Variants in TIAM1 observed in about 807,000 individuals in gnomAD.
TIAM1 encodes rho guanine nucleotide exchange factor TIAM1.
TIAM1 carries 65 observed loss-of-function variants against 163.5 expected under a neutral mutation model. That is an observed-to-expected ratio of 0.40 (90% CI 0.33 to 0.49). The LOEUF (loss-of-function observed/expected upper bound fraction) is 0.49, where lower values mean the gene tolerates loss of function less well. TIAM1 is among the 20% of genes least tolerant of loss of function. The pLI, the probability that TIAM1 is intolerant of heterozygous loss-of-function variation, is 0.77. For missense variants in TIAM1, 1,789 were observed against 2,044.7 expected (o/e 0.87, Z 2.41); for synonymous variants, 833 against 810.1 (o/e 1.03, Z -0.48).
At chr21:31,210,509 AAGAG>A (rs201888669) in intron 10 of TIAM1, among the ~76,000 whole-genome samples, 5 of 140,786 alleles carry the variant, frequency 3.6e-5, no homozygotes, top group Admixed American at 7.3e-5. Context: ...AAAAGAAAGA[AAGAG>A]AGAGAGATAG....
At chr21:31,467,958 C>T (rs9980438) in intron 1 of TIAM1, among the ~76,000 whole-genome samples, 47,230 of 151,084 alleles carry the variant, frequency 0.31, 7,564 homozygotes, top group African/African-American at 0.34. Flanking sequence ...TGGTGGTGGG[C>T]ACCTGTAATC....
chr21:31,461,343 G>C (rs1051857012), intron 2 of TIAM1, among the ~76,000 whole-genome samples: 3 of 152,032 alleles, frequency 2.0e-5, no homozygotes, highest in Non-Finnish European at 4.4e-5. Context: ...AAATTAGCTG[G>C]GCGTGATGTG....
chr21:31,130,360 C>T, intron 24 of TIAM1, 45 bp from the exon 25 acceptor site: 2 of 1,491,574 alleles, frequency 1.3e-6, no homozygotes, highest in Non-Finnish European at 9.4e-7. Context: ...ATCTAACCTG[C>T]CCCGGACCAG....
At chr21:31,504,684 G>A (rs947451231) in intron 1 of TIAM1, among the ~76,000 whole-genome samples, 1 of 152,166 alleles carries the variant, frequency 6.6e-6, no homozygotes, top group Non-Finnish European at 1.5e-5. Flanking sequence ...CTGCAGTGGA[G>A]GGGGAAATGC....
At chr21:31,488,130 A>G (rs557519817) in intron 1 of TIAM1, among the ~76,000 whole-genome samples, 24 of 152,356 alleles carry the variant, frequency 1.6e-4, no homozygotes, top group African/African-American at 5.5e-4. Flanking sequence ...CCCACTTCAC[A>G]GCAGAGGGAG....
chr21:31,124,782 T>C, intron 26 of TIAM1, 88 bp from the exon 27 acceptor site: 1 of 1,171,264 alleles, frequency 8.5e-7, no homozygotes, highest in African/African-American at 1.5e-5. Flanking sequence ...CAAATAAATA[T>C]CCCTTAGGGC....
rs116193882 is a variant in TIAM1, at chr21:31,248,345, A to C, written c.1412-2685T>G. Reference sequence around the variant, plus strand: ...GTATAATTTTTCAACTTTGATTTAGAATCATCCACAACAAAGCACCACCAA... The same window carrying C: ...GTATAATTTTTCAACTTTGATTTAGCATCATCCACAACAAAGCACCACCAA... On this transcript the variant is annotated intron_variant, in intron 5 of 27. Transcript: ENST00000541036. Among the ~76,000 whole-genome samples, 442 of 152,280 alleles carry C rather than the reference A, an allele frequency of 2.9e-3. 5 individuals are homozygous for C. The highest frequency in any genetic ancestry group is 0.01 in the African/African-American group (433 of 41,556).
chr21:31,265,555 C>T (rs1400352701), intron 4 of TIAM1, among the ~76,000 whole-genome samples: 1 of 151,838 alleles, frequency 6.6e-6, no homozygotes, highest in African/African-American at 2.4e-5. Context: ...CCAAACCCGC[C>T]CAGAATTTAA....
chr21:31,544,144 A>T (rs1226842730), intron 1 of TIAM1, among the ~76,000 whole-genome samples: 1 of 151,952 alleles, frequency 6.6e-6, no homozygotes, highest in Non-Finnish European at 1.5e-5. Flanking sequence ...TGGGAGGCGG[A>T]GGTTGCAGTG....
intron 17 of TIAM1, among the ~76,000 whole-genome samples, chr21:31,153,936 C>T (rs2083494412): frequency 6.6e-6 from 1 of 151,986 alleles, no homozygotes; most frequent in Non-Finnish European, 1.5e-5. Flanking sequence ...TGGTGGCATG[C>T]ACCTGTGGTC....
chr21:31,548,499 T>G (rs141996758), intron 1 of TIAM1, among the ~76,000 whole-genome samples: 1,550 of 150,854 alleles, frequency 0.01, 39 homozygotes, highest in African/African-American at 0.035. Flanking sequence ...TGTTTTTTTT[T>G]TTTTTTGAGA....
intron 15 of TIAM1, among the ~76,000 whole-genome samples, chr21:31,174,044 C>G (rs766257271): frequency 6.6e-6 from 1 of 152,188 alleles, no homozygotes; most frequent in Non-Finnish European, 1.5e-5. Flanking sequence ...AACAGAGGAC[C>G]ATGTGCTGCC....
chr21:31,312,693 T>C (rs1402855283), intron 2 of TIAM1, among the ~76,000 whole-genome samples: 1 of 151,972 alleles, frequency 6.6e-6, no homozygotes, highest in Non-Finnish European at 1.5e-5. Context: ...CTTGGAGAGG[T>C]CAACTATATG....
chr21:31,328,477 C>A (rs1333269529), intron 2 of TIAM1, among the ~76,000 whole-genome samples: 3 of 152,102 alleles, frequency 2.0e-5, no homozygotes, highest in Non-Finnish European at 4.4e-5. Flanking sequence ...CTCACATGAT[C>A]CTCCCACCTC....
At chr21:31,512,609 T>G (rs1049218858) in intron 1 of TIAM1, among the ~76,000 whole-genome samples, 5 of 141,532 alleles carry the variant, frequency 3.5e-5, no homozygotes, top group Admixed American at 3.0e-4. Context: ...CTTTTTCTTT[T>G]TTCTTTTCTT....
At position 31,141,762 on chromosome 21, in the gene TIAM1, C is replaced by G. The variant is rs1426956800; in HGVS notation, c.3476-258G>C. Among the ~76,000 whole-genome samples the G allele has an allele frequency of 6.6e-6, 1 of 152,050 alleles. No individual in the cohort carries two copies. Among genetic ancestry groups the G allele is most frequent in the Non-Finnish European group, 1.5e-5 (1 of 68,006 alleles). ...ATGACGGAGTGTAGACTGCAGACAC[C>G]CGGATTTCCAGCGGCTGCTCTTTAT... On this transcript the variant is annotated intron_variant, in intron 20 of 27. Coordinates refer to ENST00000541036, the MANE Select transcript of TIAM1 (RefSeq NM_001353694.2). This position sits in a 1 kb window ranked among gnomAD's most constrained non-coding sequence, Gnocchi z 4.7.
intron 1 of TIAM1, among the ~76,000 whole-genome samples, chr21:31,543,104 T>C (rs1431652904): frequency 1.3e-5 from 2 of 152,240 alleles, no homozygotes; most frequent in East Asian, 3.9e-4. Flanking sequence ...TTGCCTACCC[T>C]GCTTCCCCCT....
intron 1 of TIAM1, among the ~76,000 whole-genome samples, chr21:31,513,159 C>T (rs1245624958): frequency 6.6e-6 from 1 of 152,078 alleles, no homozygotes; most frequent in East Asian, 1.9e-4. Flanking sequence ...TCACACATGC[C>T]ATATATATAT....
At chr21:31,506,401 C>T (rs942611112) in intron 1 of TIAM1, among the ~76,000 whole-genome samples, 2 of 152,066 alleles carry the variant, frequency 1.3e-5, no homozygotes, top group Non-Finnish European at 2.9e-5. Flanking sequence ...TTATTAAGTA[C>T]ATTCACATTA....
Sources: allele counts gnomAD v4.1 joint callset (sites outside exome capture counted in the v4.1 genomes callset), GRCh38; gene constraint gnomAD v4.1.1; non-coding constraint Gnocchi (gnomAD v3.1); transcripts MANE v1.5; gene names NCBI Gene and HGNC (gene_info 2026-07-23, HGNC 2026-07-21).